The following PSD3 variants were observed in gnomAD, a reference collection of about 807,000 sequenced individuals.
PSD3 encodes the protein pleckstrin and Sec7 domain containing 3.
In PSD3, 49 loss-of-function variants were observed where a neutral mutation model predicts 105.5. That is an observed-to-expected ratio of 0.46 (90% CI 0.37 to 0.59). The LOEUF (loss-of-function observed/expected upper bound fraction) is 0.59. Ranked by LOEUF, PSD3 falls within the 20% of genes least tolerant of loss-of-function variation. The pLI is 0.00. For synonymous variants in PSD3, 557 were observed against 457.8 expected (o/e 1.22, Z -2.77); for missense variants, 1,561 against 1,263.8 (o/e 1.24, Z -3.57).
intron 2 of PSD3, among the ~76,000 whole-genome samples, chr8:18,889,189 A>T (rs1045063205): frequency 6.6e-6 from 1 of 152,210 alleles, no homozygotes; most frequent in Admixed American, 6.5e-5. Context: ...TTACAGCACC[A>T]TCTCTTAAAA....
At chr8:18,769,499 T>G (rs1184874521) in intron 8 of PSD3, among the ~76,000 whole-genome samples, 1 of 152,226 alleles carries the variant, frequency 6.6e-6, no homozygotes, top group African/African-American at 2.4e-5. Context: ...TAAAATACAA[T>G]TCACAGTATA....
At chr8:18,606,021 G>C (rs2717762) in intron 11 of PSD3, among the ~76,000 whole-genome samples, 110,049 of 152,088 alleles carry the variant, frequency 0.72, 40,069 homozygotes, top group East Asian at 0.83. Context: ...CTTCAGATGA[G>C]TGTGAGAATG....
intron 1 of PSD3, among the ~76,000 whole-genome samples, chr8:19,061,951 C>G (rs1347403577): frequency 6.6e-6 from 1 of 152,184 alleles, no homozygotes; most frequent in African/African-American, 2.4e-5. Context: ...ACAACTTTCC[C>G]TCCCCATCTG....
At chr8:18,891,906 C>A (rs1017496002) in intron 2 of PSD3, among the ~76,000 whole-genome samples, 2 of 152,156 alleles carry the variant, frequency 1.3e-5, no homozygotes, top group African/African-American at 4.8e-5. Flanking sequence ...ATTGAGTATT[C>A]ATTCCTTTTT....
intron 11 of PSD3, among the ~76,000 whole-genome samples, chr8:18,611,437 G>C (rs908752288): frequency 6.6e-6 from 1 of 151,954 alleles, no homozygotes; most frequent in Non-Finnish European, 1.5e-5. Context: ...TTTTTTAAGA[G>C]GACACATTTT....
chr8:18,685,768 G>A (rs982059537), intron 9 of PSD3, among the ~76,000 whole-genome samples: 2 of 152,110 alleles, frequency 1.3e-5, no homozygotes, highest in African/African-American at 2.4e-5. Context: ...AGCAGACGAC[G>A]AGTCTACAGG....
chr8:18,898,299 C>T (rs945565095), intron 2 of PSD3, among the ~76,000 whole-genome samples: 22 of 152,060 alleles, frequency 1.4e-4, no homozygotes, highest in African/African-American at 3.9e-4. Flanking sequence ...GGTACATATA[C>T]GTTTATAAGT....
intron 10 of PSD3, among the ~76,000 whole-genome samples, chr8:18,638,915 C>T (rs960927676): frequency 1.3e-5 from 2 of 152,120 alleles, no homozygotes; most frequent in African/African-American, 4.8e-5. Flanking sequence ...TAGCTAAGGT[C>T]AACTGGATTT....
At chr8:18,978,768 T>C (rs1825090986) in intron 1 of PSD3, among the ~76,000 whole-genome samples, 1 of 152,156 alleles carries the variant, frequency 6.6e-6, no homozygotes, top group African/African-American at 2.4e-5. Flanking sequence ...AAAGCAGACA[T>C]ACGTCTTTCT....
At chr8:18,632,415 A>G (rs952323695) in intron 11 of PSD3, among the ~76,000 whole-genome samples, 198 bp downstream of exon 11, 1 of 152,084 alleles carries the variant, frequency 6.6e-6, no homozygotes, top group Non-Finnish European at 1.5e-5. Context: ...CCCTTTCTAA[A>G]GTTCTATAAT....
chr8:18,905,920 A>T (rs1819816943), intron 2 of PSD3, among the ~76,000 whole-genome samples: 1 of 152,218 alleles, frequency 6.6e-6, no homozygotes, highest in South Asian at 2.1e-4. Context: ...AAAAGAAACA[A>T]AGTATAAATT....
At chr8:18,550,088 T>A (rs1016943290) in intron 15 of PSD3, among the ~76,000 whole-genome samples, 3 of 152,208 alleles carry the variant, frequency 2.0e-5, no homozygotes, top group Non-Finnish European at 2.9e-5. Context: ...GATAATACCT[T>A]TACCCAATAG....
intron 2 of PSD3, among the ~76,000 whole-genome samples, chr8:18,888,772 C>A (rs1176423566): frequency 6.6e-6 from 1 of 152,196 alleles, no homozygotes; most frequent in African/African-American, 2.4e-5. Flanking sequence ...CCGTGAATCA[C>A]CAATTCCCTA....
intron 3 of PSD3, among the ~76,000 whole-genome samples, 195 bp from the exon 4 acceptor site, chr8:18,868,264 A>C (rs905174355): frequency 3.3e-5 from 5 of 152,312 alleles, no homozygotes; most frequent in African/African-American, 1.2e-4. Flanking sequence ...TGGCTAGGAC[A>C]CTATAAATAC....
chr8:18,585,424 C>A (rs1368716395), intron 12 of PSD3, among the ~76,000 whole-genome samples: 1 of 152,142 alleles, frequency 6.6e-6, no homozygotes, highest in East Asian at 1.9e-4. Context: ...CTCAATCAAT[C>A]CTCCTGCCTC....
At chr8:18,982,626 C>T (rs983658026) in intron 1 of PSD3, among the ~76,000 whole-genome samples, 1 of 152,212 alleles carries the variant, frequency 6.6e-6, no homozygotes, top group Non-Finnish European at 1.5e-5. Flanking sequence ...AAACAACATA[C>T]ATCTCCTTGT....
intron 8 of PSD3, among the ~76,000 whole-genome samples, chr8:18,779,022 G>T (rs1287458094): frequency 6.6e-6 from 1 of 152,098 alleles, no homozygotes; most frequent in African/African-American, 2.4e-5. Flanking sequence ...AGTTTGAGGA[G>T]AACTGATGTT....
chr8:18,706,879 A>T (rs931518322), intron 9 of PSD3, among the ~76,000 whole-genome samples: 1 of 152,198 alleles, frequency 6.6e-6, no homozygotes, highest in East Asian at 1.9e-4. Flanking sequence ...TCCTGGTTAA[A>T]CCAGCTTAGA....
intron 11 of PSD3, among the ~76,000 whole-genome samples, chr8:18,605,069 G>A (rs949513981): frequency 6.6e-6 from 1 of 152,204 alleles, no homozygotes; most frequent in African/African-American, 2.4e-5. Context: ...TTCCAACTGG[G>A]GTGCTACCTA....
Sources: allele counts gnomAD v4.1 joint callset (sites outside exome capture counted in the v4.1 genomes callset), GRCh38; gene constraint gnomAD v4.1.1; transcripts MANE v1.5; gene names NCBI Gene and HGNC (gene_info 2026-07-23, HGNC 2026-07-21).